Variants in PLCB1 observed in about 807,000 individuals in gnomAD.
PLCB1 encodes the protein phospholipase C beta 1.
A neutral mutation model predicts 161.8 loss-of-function variants in PLCB1; 46 were observed. The observed-to-expected ratio is 0.28, with a 90% CI of 0.22 to 0.36. The LOEUF (loss-of-function observed/expected upper bound fraction) is 0.36. Ranked by LOEUF, PLCB1 falls within the 10% of genes least tolerant of loss-of-function variation. The probability of loss-of-function intolerance (pLI) is 1.00; values close to 1 mark genes in which losing one functional copy is unlikely to be tolerated. For synonymous variants in PLCB1, 517 were observed against 503.7 expected (o/e 1.03, Z -0.35); for missense variants, 1,016 against 1,472.5 (o/e 0.69, Z 5.07).
At chr20:8,712,338 G>T (rs989548811) in intron 12 of PLCB1, among the ~76,000 whole-genome samples, 2 of 151,956 alleles carry the variant, frequency 1.3e-5, no homozygotes, top group Non-Finnish European at 2.9e-5. Flanking sequence ...AATGAGAAAA[G>T]CCACTGAAAC....
chr20:8,147,969 T>G (rs1238543643), intron 1 of PLCB1, among the ~76,000 whole-genome samples: 4 of 147,858 alleles, frequency 2.7e-5, no homozygotes, highest in African/African-American at 7.5e-5. Flanking sequence ...GCCTCCCGGG[T>G]TCATGCCATT....
At chr20:8,644,251 C>T (rs1362037585) in intron 4 of PLCB1, among the ~76,000 whole-genome samples, 622 of 148,142 alleles carry the variant, frequency 4.2e-3, no homozygotes, top group African/African-American at 0.013. Flanking sequence ...TCTGCCTGGC[C>T]GCCCATCGTC....
chr20:8,766,108 T>C (rs1032440516), intron 26 of PLCB1, among the ~76,000 whole-genome samples: 1 of 152,226 alleles, frequency 6.6e-6, no homozygotes, highest in Non-Finnish European at 1.5e-5. Flanking sequence ...ACCTTGATGA[T>C]GAGAAGCATC....
At chr20:8,568,543 T>C (rs1355758430) in intron 3 of PLCB1, among the ~76,000 whole-genome samples, 1 of 152,212 alleles carries the variant, frequency 6.6e-6, no homozygotes, top group Non-Finnish European at 1.5e-5. Context: ...GTCATAAAAA[T>C]CATTAGTTAT....
At chr20:8,740,280 C>A (rs138483112) in intron 21 of PLCB1, 64 bp from the exon 22 acceptor site, 7 of 819,102 alleles carry the variant, frequency 8.5e-6, no homozygotes, top group Middle Eastern at 2.2e-4. Context: ...CACATAGATG[C>A]GCATAATTAT....
At position 8,364,321 on chromosome 20, in the gene PLCB1, G is replaced by A. The variant is rs887582271; in HGVS notation, c.178-7061G>A. Among the ~76,000 whole-genome samples the A allele has an allele frequency of 2.6e-5, 4 of 152,166 alleles. No homozygotes were observed. In the East Asian group the frequency reaches 7.7e-4, roughly 29 times the overall value. On this transcript the variant is annotated intron_variant, in intron 2 of 31. Coordinates refer to ENST00000338037, the MANE Select transcript of PLCB1 (RefSeq NM_015192.4). ...TTCATATACTTGCCAATAACATTGG[G>A]CCAAATACTTTGGAAGTAGGTCCAG...
At chr20:8,511,911 T>C (rs1048704593) in intron 3 of PLCB1, among the ~76,000 whole-genome samples, 1 of 152,204 alleles carries the variant, frequency 6.6e-6, no homozygotes, top group African/African-American at 2.4e-5. Flanking sequence ...GAGTTCCTTA[T>C]ATATTTTGGA....
chr20:8,467,573 G>C (rs1255727457), intron 3 of PLCB1, among the ~76,000 whole-genome samples: 1 of 152,040 alleles, frequency 6.6e-6, no homozygotes, highest in African/African-American at 2.4e-5. Flanking sequence ...TATAATAAAG[G>C]CCTCTATGAA....
chr20:8,738,867 C>G (rs939911155), intron 20 of PLCB1, among the ~76,000 whole-genome samples: 3 of 152,138 alleles, frequency 2.0e-5, no homozygotes, highest in African/African-American at 4.8e-5. Flanking sequence ...AAAGCTGGTC[C>G]TGGCCAGGCG....
chr20:8,881,854 T>A lies in PLCB1; in HGVS notation c.*5T>A. The A allele has an allele frequency of 6.3e-7, 1 of 1,594,288 alleles. No individual in the cohort carries two copies. Among genetic ancestry groups the A allele is most frequent in the Admixed American group, 1.7e-5 (1 of 59,978 alleles). ...GAATTTGATACTCCTCTGTGAATGC[T>A]CCTGCCAGGCCTTCAGAAATTGCAT... On this transcript the variant is annotated 3_prime_UTR_variant, in exon 32 of 32. Transcript: ENST00000338037.
chr20:8,182,108 G>T (rs1188262036), intron 2 of PLCB1, among the ~76,000 whole-genome samples: 1 of 152,198 alleles, frequency 6.6e-6, no homozygotes, highest in Non-Finnish European at 1.5e-5. Flanking sequence ...ACAGGAATTA[G>T]TCTCATATCA....
In PLCB1 at chr20:8,553,564, T is replaced by G. The variant is rs563567764; in HGVS notation, c.247-74730T>G. On this transcript the variant is annotated intron_variant, in intron 3 of 31. Coordinates refer to ENST00000338037, the MANE Select transcript of PLCB1 (RefSeq NM_015192.4). ...TGCTCGTATTTGTACACATACACAG[T>G]GAAAGTTATTTTTAAATCTTTTATT... Among the ~76,000 whole-genome samples the G allele has an allele frequency of 3.9e-5, 6 of 152,274 alleles. No homozygotes were observed. In the South Asian group the frequency reaches 1.2e-3, roughly 32 times the overall value.
At chr20:8,201,177 A>C (rs1178894395) in intron 2 of PLCB1, among the ~76,000 whole-genome samples, 1 of 152,056 alleles carries the variant, frequency 6.6e-6, no homozygotes, top group East Asian at 1.9e-4. Flanking sequence ...TTAGTTATTT[A>C]AGCTTTGTTA....
intron 2 of PLCB1, among the ~76,000 whole-genome samples, chr20:8,240,382 T>C (rs1234465174): frequency 6.6e-6 from 1 of 151,996 alleles, no homozygotes; most frequent in Non-Finnish European, 1.5e-5. Flanking sequence ...CATTTTGCTT[T>C]TTATACTTAG....
intron 10 of PLCB1, among the ~76,000 whole-genome samples, chr20:8,695,458 T>C (rs2123423168): frequency 6.6e-6 from 1 of 152,212 alleles, no homozygotes; most frequent in East Asian, 1.9e-4. Flanking sequence ...TCTCAGCACT[T>C]CCTGAGGCAG....
chr20:8,145,989 T>A (rs1233581170), intron 1 of PLCB1, among the ~76,000 whole-genome samples: 1 of 152,182 alleles, frequency 6.6e-6, no homozygotes, highest in African/African-American at 2.4e-5. Context: ...GCAGCTCCTG[T>A]ACTGGACAGC....
At chr20:8,643,826 G>A (rs1285578650) in intron 4 of PLCB1, among the ~76,000 whole-genome samples, 12 of 130,056 alleles carry the variant, frequency 9.2e-5, no homozygotes, top group Admixed American at 1.7e-4. Context: ...CTCTTTCCAC[G>A]GTCTCCCTCT....
At chr20:8,442,812 A>G (rs566821315) in intron 3 of PLCB1, among the ~76,000 whole-genome samples, 2 of 152,246 alleles carry the variant, frequency 1.3e-5, no homozygotes, top group East Asian at 3.9e-4. Context: ...ATGAAAACCA[A>G]GCATGCTGGG....
intron 3 of PLCB1, among the ~76,000 whole-genome samples, chr20:8,565,184 G>T (rs1246991509): frequency 6.6e-6 from 1 of 152,152 alleles, no homozygotes; most frequent in Admixed American, 6.5e-5. Context: ...CATGTCCTTT[G>T]CAGGGACATG....
Sources: allele counts gnomAD v4.1 joint callset (sites outside exome capture counted in the v4.1 genomes callset), GRCh38; gene constraint gnomAD v4.1.1; transcripts MANE v1.5; gene names NCBI Gene and HGNC (gene_info 2026-07-23, HGNC 2026-07-21).